TBL1XR1: variants seen among roughly 807,000 people sequenced by gnomAD.
TBL1XR1 encodes F-box-like/WD repeat-containing protein TBL1XR1.
Under a neutral mutation model 66.9 loss-of-function variants are expected in TBL1XR1, and 5 were observed. The ratio of observed to expected loss-of-function variants is 0.07; its 90% CI spans 0.04 to 0.16. The LOEUF is 0.16. Ranked by LOEUF, TBL1XR1 falls within the 10% of genes least tolerant of loss-of-function variation. TBL1XR1 has a pLI of 1.00. For synonymous variants in TBL1XR1, 210 were observed against 206.0 expected (o/e 1.02, Z -0.17); for missense variants, 238 against 623.2 (o/e 0.38, Z 6.58).
intron 1 of TBL1XR1, among the ~76,000 whole-genome samples, chr3:177,172,614 C>T (rs13065678): frequency 3.8e-5 from 5 of 131,024 alleles, no homozygotes; most frequent in Non-Finnish European, 7.8e-5. Context: ...AGGCAAGACC[C>T]TCATCTCAAG....
chr3:177,035,280 CA>C (rs1164531516), intron 12 of TBL1XR1, among the ~76,000 whole-genome samples: 1 of 152,168 alleles, frequency 6.6e-6, no homozygotes, highest in Non-Finnish European at 1.5e-5. Flanking sequence ...TCCACTTTCT[CA>C]GTCACCTTCT....
intron 1 of TBL1XR1, chr3:177,163,878 G>C (rs186197319): frequency 6.6e-6 from 1 of 152,042 alleles, no homozygotes; most frequent in Admixed American, 6.6e-5. Flanking sequence ...ACATAAATAC[G>C]CAAAATGTAT....
At chr3:177,064,275 C>T (rs1447691192) in intron 3 of TBL1XR1, among the ~76,000 whole-genome samples, 2 of 152,152 alleles carry the variant, frequency 1.3e-5, no homozygotes, top group African/African-American at 2.4e-5. Flanking sequence ...TCTCACCATC[C>T]TATACCTCCA....
rs1257175447 is a variant in TBL1XR1, at chr3:177,134,579, A to G, written c.-121-36038T>C. Among the ~76,000 whole-genome samples the G allele has an allele frequency of 3.3e-5, 5 of 152,360 alleles. No individual in the cohort carries two copies. The South Asian group carries it at 1.0e-3, about 32-fold the overall frequency. Reference sequence around the variant, plus strand: ...AATTTCCTGAAACACTTGGCTTTGCAGCTTTAAGATAATTCCGGTCTTTCC... The same window carrying G: ...AATTTCCTGAAACACTTGGCTTTGCGGCTTTAAGATAATTCCGGTCTTTCC... On this transcript the variant is annotated intron_variant, in intron 1 of 15. Transcript: ENST00000457928.
At chr3:177,112,097 ATATATATATAT>A (rs1188941438) in intron 1 of TBL1XR1, among the ~76,000 whole-genome samples, 621 of 50,014 alleles carry the variant, frequency 0.012, 8 homozygotes, top group African/African-American at 0.07. Context: ...ATATATATAT[ATATATATATAT>A]TTTTTTTTTT....
At chr3:177,190,133 C>CAAAAAAAAAAAAAAAAAAAAAAAAA in intron 1 of TBL1XR1, among the ~76,000 whole-genome samples, 1 of 69,394 alleles carries the variant, frequency 1.4e-5, no homozygotes, top group Non-Finnish European at 2.5e-5. Context: ...AACTCCATCT[C>CAAAAAAAAAAAAAAAAAAAAAAAAA]AAAAAAAAAA....
upstream of TBL1XR1, among the ~76,000 whole-genome samples, chr3:177,200,306 G>C (rs1737315323): frequency 6.6e-6 from 1 of 152,152 alleles, no homozygotes; most frequent in African/African-American, 2.4e-5. Flanking sequence ...AACAAAAATA[G>C]GGGCACCCAA....
intron 12 of TBL1XR1, 186 bp downstream of exon 12, chr3:177,037,912 G>C (rs956534361): frequency 3.6e-6 from 2 of 561,360 alleles, no homozygotes; most frequent in African/African-American, 3.8e-5. Context: ...CATTCAAATA[G>C]TTTTATGTAT....
chr3:177,193,898 CT>C (rs1736486205), intron 1 of TBL1XR1, among the ~76,000 whole-genome samples: 1 of 152,152 alleles, frequency 6.6e-6, no homozygotes, highest in African/African-American at 2.4e-5. Context: ...TTCTTTGCAT[CT>C]CTGTTTCATC....
At chr3:177,156,591 A>G (rs996775224) in intron 1 of TBL1XR1, among the ~76,000 whole-genome samples, 2 of 148,580 alleles carry the variant, frequency 1.3e-5, no homozygotes, top group Non-Finnish European at 3.0e-5. Flanking sequence ...ATATATATAT[A>G]AAATTCTGAC....
chr3:177,122,641 A>G (rs1727114104), intron 1 of TBL1XR1, among the ~76,000 whole-genome samples: 1 of 152,142 alleles, frequency 6.6e-6, no homozygotes, highest in Non-Finnish European at 1.5e-5. Flanking sequence ...TGTGAGGAAA[A>G]GCAGAGTTCT....
chr3:177,082,738 T>TTTTATATATATATATATATATA (rs1450061640), intron 2 of TBL1XR1, among the ~76,000 whole-genome samples: 1,529 of 63,170 alleles, frequency 0.024, 163 homozygotes, highest in East Asian at 0.04. Context: ...AAGATAGAGA[T>TTTTATATATATATATATATATA]TATATATATA....
At chr3:177,177,821 CATAAA>C (rs1291337059) in intron 1 of TBL1XR1, among the ~76,000 whole-genome samples, 1 of 152,022 alleles carries the variant, frequency 6.6e-6, no homozygotes, top group Non-Finnish European at 1.5e-5. Flanking sequence ...CAGAATGACA[CATAAA>C]ATAGAGCCCC....
At chr3:177,200,140 T>C (rs892865738), upstream of TBL1XR1, among the ~76,000 whole-genome samples, 7 of 152,018 alleles carry the variant, frequency 4.6e-5, no homozygotes, top group African/African-American at 1.7e-4. Flanking sequence ...GCCTGGCTAA[T>C]TTTGTATTTT....
intron 2 of TBL1XR1, among the ~76,000 whole-genome samples, chr3:177,090,061 C>T (rs1314799442): frequency 1.3e-5 from 2 of 152,176 alleles, no homozygotes; most frequent in Non-Finnish European, 2.9e-5. Flanking sequence ...AATTGACATG[C>T]ACATTTCATG....
intron 1 of TBL1XR1, among the ~76,000 whole-genome samples, chr3:177,098,780 G>A (rs1358649141): frequency 1.3e-5 from 2 of 152,110 alleles, no homozygotes; most frequent in Non-Finnish European, 2.9e-5. Flanking sequence ...GACTCAAAGA[G>A]ATTCATCTGC....
At chr3:177,128,477 G>A (rs1047671884) in intron 1 of TBL1XR1, among the ~76,000 whole-genome samples, 6 of 152,046 alleles carry the variant, frequency 3.9e-5, no homozygotes, top group African/African-American at 1.4e-4. Context: ...AAGCTCACGC[G>A]ATCATCTCAC....
In TBL1XR1 at chr3:177,021,650, T is replaced by G. The variant is rs1475665558; in HGVS notation, c.*3848A>C. ...CTACCCTCCTTCCATCCCTGCTGAT[T>G]CAGGAGAAGGGGGAAAAAACAAAGA... On this transcript the variant is annotated 3_prime_UTR_variant, in exon 16 of 16. Transcript: ENST00000457928. 6.6e-6 allele frequency: 1 copy of G among 152,534 alleles called. No individual in the cohort carries two copies. Among genetic ancestry groups the G allele is most frequent in the Non-Finnish European group, 1.5e-5 (1 of 67,978 alleles). 9.4% of individuals were successfully genotyped at this position (152,534 alleles called of 1,614,324 possible).
intron 1 of TBL1XR1, among the ~76,000 whole-genome samples, chr3:177,172,537 C>A (rs958696972): frequency 6.6e-6 from 1 of 151,402 alleles, no homozygotes; most frequent in Non-Finnish European, 1.5e-5. Context: ...GCAGGAGGAT[C>A]GCATGAGCCC....
Sources: allele counts gnomAD v4.1 joint callset (sites outside exome capture counted in the v4.1 genomes callset), GRCh38; gene constraint gnomAD v4.1.1; transcripts MANE v1.5; gene names NCBI Gene and HGNC (gene_info 2026-07-23, HGNC 2026-07-21).